ERC2: variants seen among roughly 807,000 people sequenced by gnomAD.
ERC2 encodes the protein ELKS/RAB6-interacting/CAST family member 2, also known as ERC protein 2.
Under a neutral mutation model 114.8 loss-of-function variants are expected in ERC2, and 42 were observed. That is an observed-to-expected ratio of 0.37 (90% confidence interval 0.29 to 0.47). ERC2 has a LOEUF of 0.47. Among genes scored for constraint, ERC2 ranks in the 20% least tolerant of loss-of-function variants. The pLI, the probability that ERC2 is intolerant of heterozygous loss-of-function variation, is 0.99. For missense variants in ERC2, 939 were observed against 1,150.7 expected (o/e 0.82, Z 2.66); for synonymous variants, 454 against 425.5 (o/e 1.07, Z -0.82).
At chr3:55,895,075 G>A (rs568979547) in intron 13 of ERC2, among the ~76,000 whole-genome samples, 11 of 152,262 alleles carry the variant, frequency 7.2e-5, no homozygotes, top group East Asian at 1.9e-4. Context: ...AGCTTGCAGC[G>A]ATCAAAAGCT....
At chr3:56,454,809 AGACTCT>A (rs2062984012) in intron 1 of ERC2, among the ~76,000 whole-genome samples, 1 of 151,064 alleles carries the variant, frequency 6.6e-6, no homozygotes, top group Admixed American at 6.6e-5. Context: ...CAGCGAGCCA[AGACTCT>A]GTCACTGCAC....
chr3:56,027,613 G>T (rs889178971), intron 7 of ERC2, among the ~76,000 whole-genome samples: 1 of 152,116 alleles, frequency 6.6e-6, no homozygotes, highest in Admixed American at 6.5e-5. Context: ...CTGTCTGTAA[G>T]TCTCCTTCGG....
At chr3:56,041,564 G>A (rs1177221976) in intron 7 of ERC2, among the ~76,000 whole-genome samples, 2 of 152,112 alleles carry the variant, frequency 1.3e-5, no homozygotes, top group South Asian at 2.1e-4. Context: ...GAGAAAGCAG[G>A]CATTCCCTTC....
At chr3:55,739,273 C>A (rs1352430041) in intron 14 of ERC2, among the ~76,000 whole-genome samples, 1 of 152,050 alleles carries the variant, frequency 6.6e-6, no homozygotes, top group Non-Finnish European at 1.5e-5. Flanking sequence ...GGGTATATAC[C>A]CAGTAATGGG....
intron 10 of ERC2, among the ~76,000 whole-genome samples, chr3:56,000,935 T>C (rs925544690): frequency 6.6e-6 from 1 of 150,574 alleles, no homozygotes; most frequent in Non-Finnish European, 1.5e-5. Context: ...TTACCAACAT[T>C]AGAGGAATAA....
intron 7 of ERC2, among the ~76,000 whole-genome samples, chr3:56,046,515 T>C (rs1219573453): frequency 1.3e-5 from 2 of 152,196 alleles, no homozygotes; most frequent in African/African-American, 4.8e-5. Flanking sequence ...AGTCACCAGT[T>C]ACTTATGACA....
chr3:55,532,217 C>A (rs1343987461), intron 17 of ERC2, among the ~76,000 whole-genome samples: 1 of 152,152 alleles, frequency 6.6e-6, no homozygotes, highest in African/African-American at 2.4e-5. Context: ...AGACCTGCAT[C>A]CTTGTCCCAG....
At chr3:56,450,219 G>A (rs2062769102) in intron 1 of ERC2, among the ~76,000 whole-genome samples, 2 of 152,120 alleles carry the variant, frequency 1.3e-5, no homozygotes, top group African/African-American at 4.8e-5. Flanking sequence ...CTCTCCTTTA[G>A]TTCCCCCAAA....
chr3:55,683,199 C>T (rs1329416309), intron 17 of ERC2, among the ~76,000 whole-genome samples: 3 of 152,172 alleles, frequency 2.0e-5, no homozygotes. Context: ...TATTCTAATT[C>T]ATTTAAAGAG....
chr3:56,363,675 T>C (rs2059043384), intron 2 of ERC2, among the ~76,000 whole-genome samples: 1 of 152,132 alleles, frequency 6.6e-6, no homozygotes, highest in Non-Finnish European at 1.5e-5. Context: ...CAATGTAACT[T>C]TAAAAGTCAA....
At chr3:55,849,740 G>A (rs2061497686) in intron 14 of ERC2, among the ~76,000 whole-genome samples, 2 of 152,140 alleles carry the variant, frequency 1.3e-5, no homozygotes, top group African/African-American at 4.8e-5. Context: ...CACCATCAGA[G>A]GTAACAGTGC....
intron 2 of ERC2, among the ~76,000 whole-genome samples, chr3:56,343,951 T>C (rs542486619): frequency 6.6e-6 from 1 of 152,294 alleles, no homozygotes; most frequent in South Asian, 2.1e-4. Context: ...GATTACTTAT[T>C]TGAATAATCC....
chr3:55,602,668 C>T lies in ERC2; in HGVS notation c.*39+81126G>A, dbSNP rs1257289649. Among the ~76,000 whole-genome samples, 5 of 152,214 alleles carry T rather than the reference C, an allele frequency of 3.3e-5. No homozygotes were observed. The East Asian group carries it at 9.7e-4, about 30-fold the overall frequency. ...CTATTGTGGGACATGATGCCAGCTC[C>T]CCGGGGACATTTTCCCTTGCCCCCC... On this transcript the variant is annotated intron_variant, in intron 17 of 17. Coordinates refer to ENST00000288221, the MANE Select transcript of ERC2 (RefSeq NM_015576.3).
At chr3:55,929,182 A>C (rs1036700233) in intron 13 of ERC2, among the ~76,000 whole-genome samples, 2 of 152,106 alleles carry the variant, frequency 1.3e-5, no homozygotes, top group African/African-American at 4.8e-5. Context: ...AGCCACAGGG[A>C]CTGGGAAAAT....
intron 2 of ERC2, among the ~76,000 whole-genome samples, chr3:56,397,416 G>C (rs73075881): frequency 0.017 from 2,590 of 151,758 alleles, 25 homozygotes; most frequent in African/African-American, 0.021. Flanking sequence ...CCAGTGTCTT[G>C]GCTATTCTTT....
chr3:56,083,487 C>T (rs1483044540), intron 6 of ERC2, among the ~76,000 whole-genome samples: 1 of 151,952 alleles, frequency 6.6e-6, no homozygotes, highest in East Asian at 1.9e-4. Flanking sequence ...ACCTGGTGTA[C>T]AAAATTGTCA....
intron 14 of ERC2, among the ~76,000 whole-genome samples, chr3:55,779,072 A>T (rs1575576491): frequency 7.3e-6 from 1 of 137,366 alleles, no homozygotes; most frequent in Non-Finnish European, 1.6e-5. Flanking sequence ...ACCAGGAAAT[A>T]AAAAAAAAAT....
intron 12 of ERC2, among the ~76,000 whole-genome samples, chr3:55,958,455 C>T (rs888470961): frequency 6.6e-6 from 1 of 152,230 alleles, no homozygotes; most frequent in Non-Finnish European, 1.5e-5. Context: ...ACAGGCAGCC[C>T]AGCCCCCAGG....
chr3:56,388,757 A>G (rs916125737), intron 2 of ERC2, among the ~76,000 whole-genome samples: 1 of 152,112 alleles, frequency 6.6e-6, no homozygotes, highest in Non-Finnish European at 1.5e-5. Context: ...AATCACATAT[A>G]TATCTAATCT....
Sources: gnomAD v4.1 joint callset for allele counts (sites outside exome capture counted in the v4.1 genomes callset) on GRCh38, gnomAD v4.1.1 for gene constraint, MANE v1.5 for transcripts, NCBI Gene and HGNC (gene_info 2026-07-23, HGNC 2026-07-21) for gene names.